CSMD3: variants seen among roughly 807,000 people sequenced by gnomAD.
CSMD3 encodes the protein CUB and Sushi multiple domains 3.
Under a neutral mutation model 435.2 loss-of-function variants are expected in CSMD3, and 177 were observed. The observed-to-expected ratio is 0.41, with a 90% CI of 0.36 to 0.46. CSMD3 has a LOEUF of 0.46. Ranked by LOEUF, CSMD3 falls within the 20% of genes least tolerant of loss-of-function variation. The pLI is 0.34. For missense variants in CSMD3, 4,265 were observed against 4,504.6 expected (o/e 0.95, Z 1.52); for synonymous variants, 1,656 against 1,520.5 (o/e 1.09, Z -2.07).
intron 1 of CSMD3, among the ~76,000 whole-genome samples, chr8:113,386,009 A>G (rs1304773019): frequency 6.6e-6 from 1 of 152,092 alleles, no homozygotes; most frequent in African/African-American, 2.4e-5. Flanking sequence ...CATTAAATAT[A>G]AAGTTGAGAT....
chr8:112,808,846 A>G (rs920357892), intron 12 of CSMD3, among the ~76,000 whole-genome samples: 3 of 152,078 alleles, frequency 2.0e-5, no homozygotes, highest in Non-Finnish European at 2.9e-5. Flanking sequence ...CAGCAATAAA[A>G]GGACTCCTGA....
At chr8:112,597,213 C>T (rs1234966432) in intron 22 of CSMD3, among the ~76,000 whole-genome samples, 3 of 151,574 alleles carry the variant, frequency 2.0e-5, no homozygotes, top group African/African-American at 7.3e-5. Context: ...GAAATACAAA[C>T]TACCATCAGA....
chr8:112,302,634 T>A (rs992668638), intron 52 of CSMD3, among the ~76,000 whole-genome samples: 1 of 152,034 alleles, frequency 6.6e-6, no homozygotes, highest in African/African-American at 2.4e-5. Flanking sequence ...ATCATGTTCA[T>A]TGGGCTTGTA....
At chr8:112,526,521 A>T (rs1186552915) in intron 27 of CSMD3, among the ~76,000 whole-genome samples, 1 of 152,032 alleles carries the variant, frequency 6.6e-6, no homozygotes, top group Non-Finnish European at 1.5e-5. Flanking sequence ...ATGGGTAATT[A>T]TTACAATTTT....
At chr8:113,016,906 C>T (rs2086480147) in intron 6 of CSMD3, among the ~76,000 whole-genome samples, 1 of 151,868 alleles carries the variant, frequency 6.6e-6, no homozygotes, top group East Asian at 1.9e-4. Flanking sequence ...TCAAGATTTA[C>T]TTCTCAATTG....
chr8:113,112,130 G>C (rs2090660584), intron 4 of CSMD3, among the ~76,000 whole-genome samples: 1 of 151,478 alleles, frequency 6.6e-6, no homozygotes. Flanking sequence ...TAATCTTTTG[G>C]GGTTTACATT....
chr8:113,045,943 A>C lies in CSMD3; in HGVS notation c.918-26764T>G, dbSNP rs1245859265. Among the ~76,000 whole-genome samples the C allele has an allele frequency of 1.3e-5, 2 of 149,574 alleles. 1 individual carries two copies. The highest frequency in any genetic ancestry group is 4.2e-4 in the South Asian group (2 of 4,748). ...TCACAGAATTTTCTTTTAGACCAAAATATCTGGGAAATTTGTAAACGACCC... is the reference window on the plus strand; with the variant it reads ...TCACAGAATTTTCTTTTAGACCAAACTATCTGGGAAATTTGTAAACGACCC... On this transcript the variant is annotated intron_variant, in intron 5 of 70. Transcript: ENST00000297405.
At chr8:113,041,892 G>C (rs901065548) in intron 5 of CSMD3, among the ~76,000 whole-genome samples, 3 of 152,104 alleles carry the variant, frequency 2.0e-5, no homozygotes, top group African/African-American at 7.2e-5. Flanking sequence ...TAGGAGATGA[G>C]ATATTGATTG....
chr8:113,114,096 A>T (rs1274958817), intron 4 of CSMD3, among the ~76,000 whole-genome samples: 1 of 152,144 alleles, frequency 6.6e-6, no homozygotes, highest in Non-Finnish European at 1.5e-5. Context: ...GTAGATAGAG[A>T]AGTGGCTAGA....
chr8:113,102,928 T>C (rs1348004127), intron 4 of CSMD3, among the ~76,000 whole-genome samples: 1 of 152,112 alleles, frequency 6.6e-6, no homozygotes, highest in Non-Finnish European at 1.5e-5. Context: ...TTAGTTGCTC[T>C]ATGGAGGGAT....
At chr8:112,584,742 C>G (rs1299696230) in intron 23 of CSMD3, among the ~76,000 whole-genome samples, 1 of 151,184 alleles carries the variant, frequency 6.6e-6, no homozygotes, top group African/African-American at 2.4e-5. Flanking sequence ...TTTAAATTCT[C>G]TCAGTCAAGG....
At chr8:112,941,950 T>C (rs2083463839) in intron 9 of CSMD3, among the ~76,000 whole-genome samples, 1 of 151,032 alleles carries the variant, frequency 6.6e-6, no homozygotes, top group African/African-American at 2.4e-5. Flanking sequence ...AACATTAAAA[T>C]ATTTTATTAA....
intron 32 of CSMD3, among the ~76,000 whole-genome samples, chr8:112,458,391 T>G (rs1371739006): frequency 6.6e-6 from 1 of 152,016 alleles, no homozygotes; most frequent in Non-Finnish European, 1.5e-5. Flanking sequence ...CCTCCCAAAG[T>G]CTTGGGTAAA....
rs73328610 is a variant in CSMD3, at chr8:112,414,805, G to C, written c.5396-5773C>G. Among the ~76,000 whole-genome samples the C allele has an allele frequency of 1.8e-4, 27 of 152,232 alleles. No homozygotes were observed. The East Asian group carries it at 4.5e-3, about 25-fold the overall frequency. ...TTTCTCAGATGGAGATGAGAAACTT[G>C]TTGAGAACTAGAATAAAGGTGATTC... On this transcript the variant is annotated intron_variant, in intron 32 of 70. Coordinates refer to ENST00000297405, the MANE Select transcript of CSMD3 (RefSeq NM_198123.2).
At chr8:112,724,949 A>T (rs2131984941) in intron 13 of CSMD3, among the ~76,000 whole-genome samples, 1 of 152,198 alleles carries the variant, frequency 6.6e-6, no homozygotes, top group Non-Finnish European at 1.5e-5. Flanking sequence ...TATTAGACTT[A>T]GCAATGTAGA....
rs571200530 is a variant in CSMD3 at position 112,511,190 on chromosome 8, A to G, written c.4757-4361T>C. ...TCTTGTAGTCTATTAAGTGCATAAC[A>G]GCATTGTGTCTAAAAAATGTACCTA... On this transcript the variant is annotated intron_variant, in intron 28 of 70. Coordinates refer to ENST00000297405, the MANE Select transcript of CSMD3 (RefSeq NM_198123.2). Among the ~76,000 whole-genome samples the G allele has an allele frequency of 5.3e-5, 8 of 152,236 alleles. 1 individual carries two copies. The highest frequency in any genetic ancestry group is 1.9e-4 in the African/African-American group (8 of 41,550).
At chr8:113,377,116 G>A (rs1272150172) in intron 1 of CSMD3, 19 of 1,266,026 alleles carry the variant, frequency 1.5e-5, no homozygotes, top group Non-Finnish European at 1.8e-5. Context: ...CTGCGGCGTC[G>A]TCCGGCTCTC....
At chr8:113,397,830 A>C (rs2094490896) in intron 1 of CSMD3, among the ~76,000 whole-genome samples, 1 of 51,328 alleles carries the variant, frequency 1.9e-5, no homozygotes, top group Non-Finnish European at 4.1e-5. Context: ...AAAAATAAAT[A>C]AATAAATAAA....
chr8:112,349,473 G>A (rs1363427683), intron 40 of CSMD3, among the ~76,000 whole-genome samples: 3 of 151,896 alleles, frequency 2.0e-5, no homozygotes, highest in Non-Finnish European at 4.4e-5. Flanking sequence ...ATATGGTAAT[G>A]GATGAAAGAT....
Sources: gnomAD v4.1 joint callset for allele counts (sites outside exome capture counted in the v4.1 genomes callset) on GRCh38, gnomAD v4.1.1 for gene constraint, MANE v1.5 for transcripts, NCBI Gene and HGNC (gene_info 2026-07-23, HGNC 2026-07-21) for gene names.